Variants in SETBP1 observed in about 807,000 individuals in gnomAD.
The protein encoded by SETBP1 is SET binding protein 1.
SETBP1 carries 9 observed loss-of-function variants against 101.0 expected under a neutral mutation model. That is an observed-to-expected ratio of 0.09 (90% CI 0.05 to 0.16). The LOEUF is 0.16. Ranked by LOEUF, SETBP1 falls within the 10% of genes least tolerant of loss-of-function variation. The probability of loss-of-function intolerance (pLI) is 1.00; values close to 1 mark genes in which losing one functional copy is unlikely to be tolerated. For synonymous variants in SETBP1, 818 were observed against 788.5 expected (o/e 1.04, Z -0.63); for missense variants, 1,858 against 2,033.8 (o/e 0.91, Z 1.66).
At chr18:44,831,586 G>A (rs1237819152) in intron 2 of SETBP1, among the ~76,000 whole-genome samples, 1 of 152,130 alleles carries the variant, frequency 6.6e-6, no homozygotes, top group African/African-American at 2.4e-5. Context: ...TGGACAAATA[G>A]TTAAGAGCCA....
At chr18:44,972,573 C>G (rs551851609) in intron 4 of SETBP1, among the ~76,000 whole-genome samples, 2 of 152,132 alleles carry the variant, frequency 1.3e-5, no homozygotes, top group African/African-American at 4.8e-5. Flanking sequence ...TTGTAGTTCT[C>G]CCTGAAGAGA....
intron 2 of SETBP1, among the ~76,000 whole-genome samples, chr18:44,798,565 C>A (rs1469808614): frequency 6.6e-6 from 1 of 152,104 alleles, no homozygotes; most frequent in Non-Finnish European, 1.5e-5. Flanking sequence ...GAAAGAAAAA[C>A]CAAAGTGGCT....
At chr18:45,028,027 A>T (rs1469419884) in intron 4 of SETBP1, among the ~76,000 whole-genome samples, 1 of 151,810 alleles carries the variant, frequency 6.6e-6, no homozygotes, top group Non-Finnish European at 1.5e-5. Flanking sequence ...TATTATTATT[A>T]TACTTTAAGT....
intron 3 of SETBP1, among the ~76,000 whole-genome samples, chr18:44,892,377 A>T (rs1351717887): frequency 6.6e-6 from 1 of 152,170 alleles, no homozygotes; most frequent in Non-Finnish European, 1.5e-5. Context: ...TGAGGACTTA[A>T]ACAGACACTC....
intron 2 of SETBP1, among the ~76,000 whole-genome samples, chr18:44,737,204 G>T (rs138226306): frequency 9.2e-5 from 14 of 152,218 alleles, no homozygotes; most frequent in African/African-American, 2.9e-4. Flanking sequence ...CAGGCCTCCT[G>T]TGAAGACTCA....
chr18:44,852,135 G>A (rs557191524), intron 2 of SETBP1, among the ~76,000 whole-genome samples: 5 of 152,282 alleles, frequency 3.3e-5, no homozygotes, highest in South Asian at 4.1e-4. Context: ...ATTCAGCCCC[G>A]CTCAATAATG....
intron 1 of SETBP1, among the ~76,000 whole-genome samples, chr18:44,698,583 C>G (rs1273822369): frequency 1.3e-5 from 2 of 152,166 alleles, no homozygotes; most frequent in African/African-American, 4.8e-5. Context: ...CTTCTTCCTG[C>G]TCTACCTAGG....
chr18:44,769,012 A>G (rs1488871016), intron 2 of SETBP1, among the ~76,000 whole-genome samples: 1 of 152,142 alleles, frequency 6.6e-6, no homozygotes, highest in African/African-American at 2.4e-5. Flanking sequence ...CAGAGGTGGG[A>G]GGTACACTAA....
chr18:44,879,766 G>C (rs2069488072), intron 3 of SETBP1, among the ~76,000 whole-genome samples: 1 of 152,178 alleles, frequency 6.6e-6, no homozygotes, highest in African/African-American at 2.4e-5. Flanking sequence ...ATGAGAACAG[G>C]CTAAAGGATG....
intron 4 of SETBP1, among the ~76,000 whole-genome samples, chr18:44,982,416 T>C (rs2072134530): frequency 6.6e-6 from 1 of 152,250 alleles, no homozygotes; most frequent in South Asian, 2.1e-4. Context: ...GTGATTATTA[T>C]ATCATTTAGG....
chr18:44,933,908 G>A (rs888132229), intron 3 of SETBP1, among the ~76,000 whole-genome samples: 20 of 152,032 alleles, frequency 1.3e-4, no homozygotes, highest in African/African-American at 4.3e-4. Context: ...CAGGTGAGGC[G>A]ATGCCCTGCC....
chr18:44,775,123 T>C (rs1488327911), intron 2 of SETBP1, among the ~76,000 whole-genome samples: 5 of 152,232 alleles, frequency 3.3e-5, no homozygotes, highest in Admixed American at 2.6e-4. Flanking sequence ...ACCTTTAGCC[T>C]GTGTCCTGGA....
At chr18:44,815,316 A>T (rs1288330136) in intron 2 of SETBP1, among the ~76,000 whole-genome samples, 1 of 152,228 alleles carries the variant, frequency 6.6e-6, no homozygotes, top group Non-Finnish European at 1.5e-5. Flanking sequence ...TAGGACTTTG[A>T]GATGTGAATT....
At position 44,981,907 on chromosome 18, in the gene SETBP1, G is replaced by A. The variant is rs536289608; in HGVS notation, c.4000+28567G>A. Among the ~76,000 whole-genome samples the A allele has an allele frequency of 2.3e-4, 35 of 152,278 alleles. No individual in the cohort carries two copies. In the South Asian group the frequency reaches 5.6e-3, roughly 24 times the overall value. ...GCAGTAAAAACAACAGGGTATTAAC[G>A]TTTGCAGTTGCTTCACTGTAGCATC... On this transcript the variant is annotated intron_variant, in intron 4 of 5. Coordinates refer to ENST00000649279, the MANE Select transcript of SETBP1 (RefSeq NM_015559.3).
chr18:44,951,359 G>A lies in SETBP1; in HGVS notation c.2019G>A (p.Lys673=), dbSNP rs778381575. ...CTATCAATAAGATGAAGACACTCAA[G>A]AGGAAAAACATCTTGAATCAGATCT... ...IKTINKMKTL[K]RKNILNQILS... is the part of the protein sequence containing the mutation. The change falls in exon 4 of 6, where the codon AAG becomes AAA. Residue 673 remains lysine, a synonymous_variant. Transcript: ENST00000649279. This position sits in a 1 kb window ranked among gnomAD's most constrained non-coding sequence, Gnocchi z 7.8. 6.2e-7 allele frequency: 1 copy of A among 1,614,026 alleles called. No homozygotes were observed. Among genetic ancestry groups the A allele is most frequent in the Non-Finnish European group, 8.5e-7 (1 of 1,180,036 alleles).
chr18:44,756,494 A>T (rs929020439), intron 2 of SETBP1, among the ~76,000 whole-genome samples: 1 of 152,182 alleles, frequency 6.6e-6, no homozygotes, highest in Non-Finnish European at 1.5e-5. Flanking sequence ...CCAGGGCTGG[A>T]CGCAAAGGGC....
At chr18:45,010,280 T>C (rs574586567) in intron 4 of SETBP1, among the ~76,000 whole-genome samples, 20 of 152,350 alleles carry the variant, frequency 1.3e-4, no homozygotes, top group African/African-American at 4.8e-4. Flanking sequence ...TTTGCCTCCA[T>C]CATATTGGTA....
At chr18:44,716,215 G>A (rs946906060) in intron 2 of SETBP1, among the ~76,000 whole-genome samples, 5 of 152,038 alleles carry the variant, frequency 3.3e-5, no homozygotes, top group Non-Finnish European at 7.4e-5. Context: ...TTTTTGATTC[G>A]ATTCCCTGCC....
rs1185299847 is a variant in SETBP1, at chr18:44,928,774, A to G, written c.541-21107A>G. ...TAGCCTTTACCCACTTTTTGATGGG[A>G]TTGTTTGATTTTTCCTTGTAAATTT... On this transcript the variant is annotated intron_variant, in intron 3 of 5. Transcript: ENST00000649279. Among the ~76,000 whole-genome samples, 7 of 151,848 alleles carry G rather than the reference A, an allele frequency of 4.6e-5. No individual in the cohort carries two copies. The East Asian group carries it at 1.2e-3, about 25-fold the overall frequency.
Sources: gnomAD v4.1 joint callset for allele counts (sites outside exome capture counted in the v4.1 genomes callset) on GRCh38, gnomAD v4.1.1 for gene constraint, Gnocchi (gnomAD v3.1) non-coding constraint, MANE v1.5 for transcripts, NCBI Gene and HGNC (gene_info 2026-07-23, HGNC 2026-07-21) for gene names.